TMEM178B: variants seen among roughly 807,000 people sequenced by gnomAD.
TMEM178B encodes transmembrane protein 178B.
TMEM178B carries 5 observed loss-of-function variants against 31.0 expected under a neutral mutation model. The ratio of observed to expected loss-of-function variants is 0.16; its 90% CI spans 0.08 to 0.34. The LOEUF (loss-of-function observed/expected upper bound fraction) is 0.34, where lower values mean the gene tolerates loss of function less well. TMEM178B is among the 10% of genes least tolerant of loss of function. TMEM178B has a pLI of 1.00. For synonymous variants in TMEM178B, 164 were observed against 164.0 expected, an observed-to-expected ratio of 1.00 and a Z score of 0.00; for missense variants, 275 against 400.3, an observed-to-expected ratio of 0.69 and a Z score of 2.67.
At chr7:141,241,906 TC>T (rs1797628799) in intron 2 of TMEM178B, among the ~76,000 whole-genome samples, 1 of 152,300 alleles carries the variant, frequency 6.6e-6, no homozygotes, top group East Asian at 1.9e-4. Flanking sequence ...TATCGAGAGA[TC>T]TTTTTTTTTG....
At chr7:141,425,424 G>T (rs896937538) in intron 2 of TMEM178B, among the ~76,000 whole-genome samples, 1 of 152,182 alleles carries the variant, frequency 6.6e-6, no homozygotes, top group Non-Finnish European at 1.5e-5. Context: ...TCTTTGGGGT[G>T]GGGTAGCAGA....
intron 2 of TMEM178B, among the ~76,000 whole-genome samples, chr7:141,280,104 T>G (rs1798331745): frequency 1.3e-5 from 2 of 152,176 alleles, no homozygotes; most frequent in Non-Finnish European, 2.9e-5. Context: ...TCTGAACAAA[T>G]AAGAAATGTC....
intron 2 of TMEM178B, among the ~76,000 whole-genome samples, chr7:141,370,591 A>G (rs1210424914): frequency 1.6e-5 from 2 of 123,824 alleles, no homozygotes; most frequent in African/African-American, 3.5e-5. Context: ...ATAGTTAAGT[A>G]GGATTTCCTG....
At chr7:141,223,366 C>T (rs1373640324) in intron 2 of TMEM178B, among the ~76,000 whole-genome samples, 1 of 152,022 alleles carries the variant, frequency 6.6e-6, no homozygotes, top group Non-Finnish European at 1.5e-5. Flanking sequence ...GTTGGGGTTA[C>T]CAGGCAGAGC....
intron 1 of TMEM178B, among the ~76,000 whole-genome samples, chr7:141,100,152 A>G (rs1795030870): frequency 6.6e-6 from 1 of 151,702 alleles, no homozygotes; most frequent in African/African-American, 2.4e-5. Flanking sequence ...CTGCAATCCT[A>G]ATCACCTGGG....
At chr7:141,160,411 C>T (rs1024522949) in intron 1 of TMEM178B, among the ~76,000 whole-genome samples, 1 of 152,158 alleles carries the variant, frequency 6.6e-6, no homozygotes, top group Non-Finnish European at 1.5e-5. Context: ...CTGAGCATCT[C>T]CTCCCAGAAG....
At chr7:141,446,409 A>C (rs756277942) in intron 3 of TMEM178B, among the ~76,000 whole-genome samples, 1 of 152,218 alleles carries the variant, frequency 6.6e-6, no homozygotes, top group Non-Finnish European at 1.5e-5. Flanking sequence ...GAGCAGGAGG[A>C]GTCTTTGTCA....
intron 2 of TMEM178B, among the ~76,000 whole-genome samples, chr7:141,260,102 T>C (rs1372953202): frequency 6.6e-6 from 1 of 152,182 alleles, no homozygotes; most frequent in African/African-American, 2.4e-5. Context: ...TTGTCTGCCA[T>C]TTAGTTGCTT....
chr7:141,356,941 C>G (rs978122625), intron 2 of TMEM178B, among the ~76,000 whole-genome samples: 1 of 152,026 alleles, frequency 6.6e-6, no homozygotes, highest in East Asian at 1.9e-4. Flanking sequence ...AACACAGACC[C>G]CTTAAGCTGG....
chr7:141,196,700 A>G (rs1389735767), intron 1 of TMEM178B, among the ~76,000 whole-genome samples: 4 of 152,016 alleles, frequency 2.6e-5, no homozygotes, highest in Admixed American at 1.3e-4. Flanking sequence ...ATATCAAACT[A>G]TATTTGGTGC....
intron 3 of TMEM178B, 36 bp downstream of exon 3, chr7:141,437,781 A>G (rs1429670049): frequency 6.5e-7 from 1 of 1,535,654 alleles, no homozygotes. Context: ...GTGGCAGTGG[A>G]CAGGGTCCTG....
intron 1 of TMEM178B, among the ~76,000 whole-genome samples, chr7:141,090,101 T>C (rs1220305552): frequency 6.6e-6 from 1 of 152,202 alleles, no homozygotes; most frequent in Non-Finnish European, 1.5e-5. Context: ...ATCAGCATAC[T>C]TGGATACAGA....
chr7:141,249,150 A>G (rs1014495750), intron 2 of TMEM178B, among the ~76,000 whole-genome samples: 1 of 152,152 alleles, frequency 6.6e-6, no homozygotes, highest in Non-Finnish European at 1.5e-5. Flanking sequence ...TAGCTCCCAT[A>G]ATTCCCATGT....
chr7:141,307,463 C>A (rs1200790301), intron 2 of TMEM178B, among the ~76,000 whole-genome samples: 1 of 152,206 alleles, frequency 6.6e-6, no homozygotes, highest in Non-Finnish European at 1.5e-5. Context: ...CCCCTACATG[C>A]TTTCCTCCTC....
At chr7:141,377,910 A>C (rs1170195610) in intron 2 of TMEM178B, among the ~76,000 whole-genome samples, 1 of 152,212 alleles carries the variant, frequency 6.6e-6, no homozygotes, top group Non-Finnish European at 1.5e-5. Flanking sequence ...ATATAACTAC[A>C]ATACATTTGT....
At position 141,202,737 on chromosome 7, in the gene TMEM178B, G is replaced by C. The variant is rs1380279015; in HGVS notation, c.383-9854G>C. On this transcript the variant is annotated intron_variant, in intron 1 of 3. Transcript: ENST00000565468. ...AGAAGGCGCTAAAGAGAAGACGTGG[G>C]GGAGGTGGGGTGTGGAGATTTCTTG... 2.0e-5 allele frequency among the ~76,000 whole-genome samples: 3 copies of C among 152,210 alleles called. No homozygotes were observed. The East Asian group carries it at 5.8e-4, about 29-fold the overall frequency.
intron 2 of TMEM178B, among the ~76,000 whole-genome samples, chr7:141,369,527 T>G (rs1480266977): frequency 2.6e-5 from 4 of 152,158 alleles, no homozygotes; most frequent in African/African-American, 9.7e-5. Flanking sequence ...GCTTCCTTGT[T>G]TGTATGTCTG....
At chr7:141,373,168 G>T (rs1296584967) in intron 2 of TMEM178B, among the ~76,000 whole-genome samples, 1 of 152,154 alleles carries the variant, frequency 6.6e-6, no homozygotes, top group Non-Finnish European at 1.5e-5. Flanking sequence ...ACCTCTTGCA[G>T]TTCACAGCAT....
intron 1 of TMEM178B, among the ~76,000 whole-genome samples, chr7:141,121,050 A>G (rs1010509417): frequency 4.6e-5 from 7 of 151,928 alleles, no homozygotes; most frequent in African/African-American, 1.7e-4. Context: ...TTTCTAGCAT[A>G]CTTGATTGGA....
Sources: gnomAD v4.1 joint callset for allele counts (sites outside exome capture counted in the v4.1 genomes callset) on GRCh38, gnomAD v4.1.1 for gene constraint, MANE v1.5 for transcripts, NCBI Gene and HGNC (gene_info 2026-07-23, HGNC 2026-07-21) for gene names.